The following GALNTL6 variants were observed in gnomAD, a reference collection of about 807,000 sequenced individuals.
GALNTL6 encodes the protein polypeptide N-acetylgalactosaminyltransferase like 6.
Under a neutral mutation model 73.7 loss-of-function variants are expected in GALNTL6, and 46 were observed. The observed-to-expected ratio is 0.62, with a 90% confidence interval of 0.49 to 0.80. The LOEUF (loss-of-function observed/expected upper bound fraction) is 0.80, where lower values mean the gene tolerates loss of function less well. Among genes scored for constraint, GALNTL6 ranks in the 30% least tolerant of loss-of-function variants. The pLI, the probability that GALNTL6 is intolerant of heterozygous loss-of-function variation, is 0.00. For synonymous variants in GALNTL6, 259 were observed against 263.7 expected, an observed-to-expected ratio of 0.98 and a Z score of 0.17; for missense variants, 604 against 755.0, an observed-to-expected ratio of 0.80 and a Z score of 2.34.
At chr4:172,087,170 G>A (rs187707912) in intron 2 of GALNTL6, among the ~76,000 whole-genome samples, 2 of 152,278 alleles carry the variant, frequency 1.3e-5, no homozygotes, top group Admixed American at 6.5e-5. Flanking sequence ...CTGGCCGGGC[G>A]CAGTGGCTCA....
chr4:172,015,291 C>G (rs983963826), intron 2 of GALNTL6, among the ~76,000 whole-genome samples: 6 of 151,970 alleles, frequency 3.9e-5, no homozygotes, highest in Non-Finnish European at 5.9e-5. Flanking sequence ...GGACTACTCC[C>G]TTTATCATTA....
At chr4:172,939,871 A>G (rs1748828122) in intron 9 of GALNTL6, among the ~76,000 whole-genome samples, 1 of 152,196 alleles carries the variant, frequency 6.6e-6, no homozygotes, top group South Asian at 2.1e-4. Context: ...TGTGTGAGAA[A>G]CACAAATTTA....
Position 172,952,026 on chromosome 4 carries a change from CT to C in GALNTL6, c.1150-10del. On this transcript the variant is annotated splice_polypyrimidine_tract_variant and intron_variant, in intron 9 of 12. Coordinates refer to ENST00000506823, the MANE Select transcript of GALNTL6 (RefSeq NM_001034845.3). ...ACCAATAAATGACATTTTTGTTTTC[CT>C]GCTGCACAGAACCTGAAGCGGGTAG... 8.8e-6 allele frequency: 14 copies of C among 1,591,972 alleles called. No individual in the cohort carries two copies. Among genetic ancestry groups the C allele is most frequent in the Non-Finnish European group, 1.2e-5 (14 of 1,167,922 alleles).
chr4:172,242,149 G>A (rs1737456909), intron 3 of GALNTL6, among the ~76,000 whole-genome samples: 1 of 152,048 alleles, frequency 6.6e-6, no homozygotes, highest in African/African-American at 2.4e-5. Context: ...CTCTGCCTAT[G>A]ACATTTTATG....
chr4:171,990,743 A>G (rs528887519), intron 2 of GALNTL6, among the ~76,000 whole-genome samples: 1 of 152,218 alleles, frequency 6.6e-6, no homozygotes, highest in Admixed American at 6.5e-5. Flanking sequence ...AAGAGAAACA[A>G]TGCATCTTTT....
At chr4:172,453,998 A>G (rs1732305741) in intron 5 of GALNTL6, among the ~76,000 whole-genome samples, 1 of 152,238 alleles carries the variant, frequency 6.6e-6, no homozygotes, top group Admixed American at 6.5e-5. Context: ...AGAAATATTT[A>G]CTGAGAACAT....
intron 2 of GALNTL6, among the ~76,000 whole-genome samples, chr4:172,043,103 T>A (rs1281379146): frequency 6.6e-6 from 1 of 151,918 alleles, no homozygotes; most frequent in African/African-American, 2.4e-5. Context: ...TCATCAGGGC[T>A]TTGCAAAGCT....
At chr4:172,366,884 C>T (rs1742586120) in intron 5 of GALNTL6, among the ~76,000 whole-genome samples, 1 of 152,190 alleles carries the variant, frequency 6.6e-6, no homozygotes, top group Admixed American at 6.5e-5. Flanking sequence ...TGAAGAATAT[C>T]ACCTTTTTAG....
At chr4:171,822,812 A>G (rs1734720652) in intron 2 of GALNTL6, among the ~76,000 whole-genome samples, 1 of 152,234 alleles carries the variant, frequency 6.6e-6, no homozygotes, top group African/African-American at 2.4e-5. Context: ...ACACTTTAAT[A>G]TAAGGCTGGA....
chr4:172,889,525 GT>G (rs1745908124), intron 8 of GALNTL6, among the ~76,000 whole-genome samples: 1 of 152,136 alleles, frequency 6.6e-6, no homozygotes, highest in African/African-American at 2.4e-5. Flanking sequence ...TATGGGCTTT[GT>G]TTTTAATTCT....
intron 3 of GALNTL6, among the ~76,000 whole-genome samples, chr4:172,244,305 T>C (rs897154303): frequency 3.9e-5 from 6 of 152,132 alleles, no homozygotes; most frequent in Non-Finnish European, 8.8e-5. Flanking sequence ...TGAGACTAAA[T>C]TGAATGACAA....
At chr4:171,931,301 C>T (rs1412881757) in intron 2 of GALNTL6, among the ~76,000 whole-genome samples, 4 of 152,132 alleles carry the variant, frequency 2.6e-5, no homozygotes, top group Admixed American at 2.0e-4. Flanking sequence ...CTTGCTTCAA[C>T]CTCCCAAAGT....
At chr4:172,367,994 A>G (rs1361733066) in intron 5 of GALNTL6, among the ~76,000 whole-genome samples, 1 of 152,252 alleles carries the variant, frequency 6.6e-6, no homozygotes, top group Non-Finnish European at 1.5e-5. Context: ...ACACAAAATG[A>G]TACTCAAAAT....
chr4:172,389,463 T>C (rs1311233706), intron 5 of GALNTL6, among the ~76,000 whole-genome samples: 2 of 152,098 alleles, frequency 1.3e-5, no homozygotes, highest in Admixed American at 1.3e-4. Flanking sequence ...GGAATGCATA[T>C]TTATTAAAAG....
At position 172,603,903 on chromosome 4, in the gene GALNTL6, G is replaced by T. The variant is rs572483275; in HGVS notation, c.554-205458G>T. 1.8e-4 allele frequency among the ~76,000 whole-genome samples: 28 copies of T among 152,240 alleles called. No individual in the cohort carries two copies. The South Asian group carries it at 5.4e-3, about 29-fold the overall frequency. Reference sequence around the variant, plus strand: ...TTAAGAGGCAGTCTTCAGATATTTTGCACCAGCTAGTTTTTCTGTGTTCCA... The same window carrying T: ...TTAAGAGGCAGTCTTCAGATATTTTTCACCAGCTAGTTTTTCTGTGTTCCA... On this transcript the variant is annotated intron_variant, in intron 5 of 12. Transcript: ENST00000506823.
At chr4:172,592,615 A>G (rs1413745509) in intron 5 of GALNTL6, among the ~76,000 whole-genome samples, 1 of 152,158 alleles carries the variant, frequency 6.6e-6, no homozygotes, top group African/African-American at 2.4e-5. Flanking sequence ...TTTGAGAGCC[A>G]TTTTAGAAGA....
chr4:171,956,259 A>C (rs1739047296), intron 2 of GALNTL6, among the ~76,000 whole-genome samples: 1 of 152,206 alleles, frequency 6.6e-6, no homozygotes, highest in African/African-American at 2.4e-5. Context: ...CCCACTCTCA[A>C]CCTTCCAAAG....
At chr4:172,559,206 A>G (rs1009248398) in intron 5 of GALNTL6, among the ~76,000 whole-genome samples, 1 of 151,450 alleles carries the variant, frequency 6.6e-6, no homozygotes, top group Non-Finnish European at 1.5e-5. Context: ...CTGAGACCAC[A>G]GGCACCCGCC....
At chr4:172,627,354 T>C (rs1235452212) in intron 5 of GALNTL6, among the ~76,000 whole-genome samples, 2 of 152,166 alleles carry the variant, frequency 1.3e-5, no homozygotes. Context: ...TTCTTGATCT[T>C]AGTGAATTAA....
Sources: allele counts gnomAD v4.1 joint callset (sites outside exome capture counted in the v4.1 genomes callset), GRCh38; gene constraint gnomAD v4.1.1; transcripts MANE v1.5; gene names NCBI Gene and HGNC (gene_info 2026-07-23, HGNC 2026-07-21).